CARD8: variants seen among roughly 807,000 people sequenced by gnomAD.
The protein encoded by CARD8 is caspase recruitment domain family member 8.
Under a neutral mutation model 53.2 loss-of-function variants are expected in CARD8, and 38 were observed. The ratio of observed to expected loss-of-function variants is 0.71; its 90% CI spans 0.55 to 0.94. The LOEUF (loss-of-function observed/expected upper bound fraction) is 0.94, where lower values mean the gene tolerates loss of function less well. CARD8 is among the 40% of genes least tolerant of loss of function. CARD8 has a pLI of 0.00. For missense variants in CARD8, 561 were observed against 655.5 expected (o/e 0.86, Z 1.57); for synonymous variants, 245 against 244.9 (o/e 1.00, Z 0.00).
At chr19:48,231,987 A>G in intron 7 of CARD8, 177 bp from the exon 8 acceptor site, 1 of 697,906 alleles carries the variant, frequency 1.4e-6, no homozygotes, top group South Asian at 1.5e-5. Flanking sequence ...AGGCACAAGA[A>G]TGTTCCTTGT....
intron 3 of CARD8, among the ~76,000 whole-genome samples, chr19:48,247,501 A>G (rs1239278652): frequency 6.6e-6 from 1 of 152,162 alleles, no homozygotes; most frequent in African/African-American, 2.4e-5. Flanking sequence ...ATTGTTAATG[A>G]AGAAAGGCAT....
At chr19:48,239,134 T>G (rs957638889) in intron 4 of CARD8, among the ~76,000 whole-genome samples, 5 of 152,208 alleles carry the variant, frequency 3.3e-5, no homozygotes, top group Admixed American at 6.5e-5. Flanking sequence ...TGCACAACAC[T>G]GAATGGACTG....
At position 48,252,372 on chromosome 19, in the gene CARD8, T is replaced by C. The variant is rs1043093954; in HGVS notation, c.-251-2525A>G. Reference sequence around the variant, plus strand: ...TTTCACATTGCTGACAAGTTTAAATTATGACATTTTGGGTAAAACGTATGT... The same window carrying C: ...TTTCACATTGCTGACAAGTTTAAATCATGACATTTTGGGTAAAACGTATGT... On this transcript the variant is annotated intron_variant, in intron 1 of 13. Transcript: ENST00000651546. Among the ~76,000 whole-genome samples the C allele has an allele frequency of 8.4e-4, 128 of 152,198 alleles. 1 individual carries two copies. Among genetic ancestry groups the C allele is most frequent in the African/African-American group, 3.0e-3 (124 of 41,548 alleles).
At chr19:48,218,735 T>C (rs1241503480) in intron 12 of CARD8, 136 bp downstream of exon 12, 19 of 916,330 alleles carry the variant, frequency 2.1e-5, no homozygotes, top group African/African-American at 3.3e-5. Flanking sequence ...CCTGTGTCCA[T>C]GTGTTTTAAC....
intron 10 of CARD8, among the ~76,000 whole-genome samples, chr19:48,228,832 T>C (rs2042289505): frequency 6.6e-6 from 1 of 152,124 alleles, no homozygotes; most frequent in Non-Finnish European, 1.5e-5. Context: ...TGTTAAGTAG[T>C]GTCCTTGTGT....
At chr19:48,204,250 T>A, downstream of CARD8, 1 of 451,220 alleles carries the variant, frequency 2.2e-6, no homozygotes, top group South Asian at 1.6e-5. Flanking sequence ...AACCCTGGAG[T>A]GGAAGGAGAC....
intron 3 of CARD8, among the ~76,000 whole-genome samples, chr19:48,241,353 T>C (rs909874458): frequency 2.0e-5 from 3 of 152,160 alleles, no homozygotes; most frequent in African/African-American, 7.2e-5. Context: ...CCTCCCGGGT[T>C]CAAGCGATTC....
At chr19:48,203,647 GCT>G (rs2037241889), downstream of CARD8, 1 of 152,352 alleles carries the variant, frequency 6.6e-6, no homozygotes, top group African/African-American at 2.4e-5. Flanking sequence ...CAAAATAGAA[GCT>G]CTATTTTGTT....
At chr19:48,245,142 T>C (rs2045893667) in intron 3 of CARD8, among the ~76,000 whole-genome samples, 1 of 152,246 alleles carries the variant, frequency 6.6e-6, no homozygotes. Context: ...TATTTTCCTC[T>C]ATAGAGAAAC....
rs2040671668 is a variant in CARD8, at chr19:48,221,730, C to A, written c.1161G>T (p.Lys387Asn). The A allele has an allele frequency of 6.3e-7, 1 of 1,578,058 alleles. No individual in the cohort carries two copies. The highest frequency in any genetic ancestry group is 8.6e-7 in the Non-Finnish European group (1 of 1,156,196). ...TGAGTTGGGTTTGAATTCTACTAAC[C>A]TTGGGCATTACTTTCAGGTTAGCAG... ...SNSANLKVMP[K>N]ELKLSYRSPG... Residue 387 changes from lysine to asparagine, a missense_variant and splice_region_variant, in exon 11 of 14, where the codon AAG (lysine) becomes AAT (asparagine). Physicochemically the swap from Lys to Asn is moderately conservative, Grantham distance 94 (BLOSUM62 0). Coordinates refer to ENST00000651546, the MANE Select transcript of CARD8 (RefSeq NM_001184900.3).
intron 12 of CARD8, among the ~76,000 whole-genome samples, chr19:48,215,942 C>A (rs3786742): frequency 0.4 from 60,235 of 151,876 alleles, 12,356 homozygotes; most frequent in East Asian, 0.52. Flanking sequence ...ATGCCCCCCC[C>A]ACCCCACCTT....
At chr19:48,205,550 A>G (rs2037312629), downstream of CARD8, among the ~76,000 whole-genome samples, 1 of 152,144 alleles carries the variant, frequency 6.6e-6, no homozygotes, top group Non-Finnish European at 1.5e-5. Context: ...TGTTAAACAG[A>G]TAATATATAA....
rs1451651071 is a variant in CARD8 at position 48,249,640 on chromosome 19, A to T, written c.-154-7T>A. 1 of 152,324 alleles carries T rather than the reference A, an allele frequency of 6.6e-6. No homozygotes were observed. The highest frequency in any genetic ancestry group is 1.5e-5 in the Non-Finnish European group (1 of 68,038). The allele number at this position is 152,324 out of a possible 1,614,324, so 9.4% of individuals were successfully genotyped here. ...CTCAGACAGCCCTCCTTCTCTATGA[A>T]CATTATTTCAAAAGAAGTTGAGAAC... On this transcript the variant is annotated splice_region_variant and splice_polypyrimidine_tract_variant and intron_variant, in intron 2 of 13. Transcript: ENST00000651546.
chr19:48,251,480 T>G (rs1462108344), intron 1 of CARD8, among the ~76,000 whole-genome samples: 2 of 152,200 alleles, frequency 1.3e-5, no homozygotes, highest in African/African-American at 4.8e-5. Flanking sequence ...ACCAACATGC[T>G]AATCTACGTT....
chr19:48,251,481 A>G (rs1261983125), intron 1 of CARD8, among the ~76,000 whole-genome samples: 2 of 152,176 alleles, frequency 1.3e-5, no homozygotes, highest in African/African-American at 4.8e-5. Flanking sequence ...CCAACATGCT[A>G]ATCTACGTTC....
At chr19:48,232,825 T>G (rs2043163691) in intron 6 of CARD8, 2 of 496,094 alleles carry the variant, frequency 4.0e-6, no homozygotes, top group Non-Finnish European at 7.9e-6. Flanking sequence ...AATGAAGATA[T>G]TTTTATCCAC....
rs188683720 is a variant in CARD8 at position 48,213,438 on chromosome 19, G to A, written c.1349-1463C>T. 1.4e-4 allele frequency among the ~76,000 whole-genome samples: 21 copies of A among 150,116 alleles called. 1 individual carries two copies. The East Asian group carries it at 3.9e-3, about 28-fold the overall frequency. Reference sequence around the variant, plus strand: ...TCCCCAGGCTGGAGTGCGATGGCACGATCTCGGCTTACTGCAATCTCCGCC... The same window carrying A: ...TCCCCAGGCTGGAGTGCGATGGCACAATCTCGGCTTACTGCAATCTCCGCC... On this transcript the variant is annotated intron_variant, in intron 13 of 13. Coordinates refer to ENST00000651546, the MANE Select transcript of CARD8 (RefSeq NM_001184900.3).
intron 10 of CARD8, among the ~76,000 whole-genome samples, chr19:48,226,725 G>A (rs1249683578): frequency 6.6e-6 from 1 of 152,138 alleles, no homozygotes; most frequent in Non-Finnish European, 1.5e-5. Flanking sequence ...GCAGTGGATG[G>A]CACTAAAGCT....
chr19:48,233,137 T>C (rs890243596), intron 6 of CARD8: 6 of 353,630 alleles, frequency 1.7e-5, no homozygotes, highest in Non-Finnish European at 3.3e-5. Flanking sequence ...AGTCTGGAGG[T>C]GGCACCAAAG....
Sources: allele counts gnomAD v4.1 joint callset (sites outside exome capture counted in the v4.1 genomes callset), GRCh38; gene constraint gnomAD v4.1.1; transcripts MANE v1.5; gene names NCBI Gene and HGNC (gene_info 2026-07-23, HGNC 2026-07-21).